GRIP1: variants seen among roughly 807,000 people sequenced by gnomAD.
GRIP1 encodes the protein glutamate receptor-interacting protein 1.
A neutral mutation model predicts 129.9 loss-of-function variants in GRIP1; 45 were observed. That is an observed-to-expected ratio of 0.35 (90% CI 0.27 to 0.44). The LOEUF (loss-of-function observed/expected upper bound fraction) is 0.44. Among genes scored for constraint, GRIP1 ranks in the 20% least tolerant of loss-of-function variants. The pLI is 1.00. For synonymous variants in GRIP1, 530 were observed against 520.8 expected (o/e 1.02, Z -0.24); for missense variants, 1,196 against 1,396.8 (o/e 0.86, Z 2.29).
intron 1 of GRIP1, among the ~76,000 whole-genome samples, chr12:66,698,581 T>C (rs1051830328): frequency 2.0e-5 from 3 of 152,200 alleles, no homozygotes; most frequent in Non-Finnish European, 4.4e-5. Flanking sequence ...GCTAGAAATC[T>C]CGGCAGAGTT....
At chr12:66,377,328 A>ATTTTTTTTT (rs35635542) in intron 20 of GRIP1, 43 bp from the exon 21 acceptor site, 1 of 1,028,486 alleles carries the variant, frequency 9.7e-7, no homozygotes, top group Non-Finnish European at 1.5e-6. Context: ...CTTGCCAGAC[A>ATTTTTTTTT]TTTTTTTTTT....
chr12:66,605,368 T>C (rs1319137710), intron 1 of GRIP1, among the ~76,000 whole-genome samples: 1 of 152,184 alleles, frequency 6.6e-6, no homozygotes, highest in Non-Finnish European at 1.5e-5. Context: ...TCAAGAGTCC[T>C]TCTTTTACAT....
intron 1 of GRIP1, among the ~76,000 whole-genome samples, chr12:66,898,469 A>G (rs1361570787): frequency 6.6e-6 from 1 of 151,946 alleles, no homozygotes; most frequent in Non-Finnish European, 1.5e-5. Context: ...AATGCATCCA[A>G]CTCCTTTAAC....
chr12:66,428,481 A>G (rs2058052686), intron 14 of GRIP1, among the ~76,000 whole-genome samples: 1 of 152,168 alleles, frequency 6.6e-6, no homozygotes, highest in Non-Finnish European at 1.5e-5. Context: ...AAAAGGAAAG[A>G]CAGTGAATTC....
At chr12:66,613,628 T>C (rs2064910491) in intron 1 of GRIP1, among the ~76,000 whole-genome samples, 1 of 152,174 alleles carries the variant, frequency 6.6e-6, no homozygotes, top group Non-Finnish European at 1.5e-5. Flanking sequence ...CTTTCCGATT[T>C]CTGTCTTTAA....
At chr12:66,974,928 T>C (rs2042130046) in intron 1 of GRIP1, among the ~76,000 whole-genome samples, 1 of 152,248 alleles carries the variant, frequency 6.6e-6, no homozygotes, top group South Asian at 2.1e-4. Flanking sequence ...GGATCTGTTA[T>C]GACTGCTGTT....
intron 1 of GRIP1, among the ~76,000 whole-genome samples, chr12:67,036,324 G>A (rs897796256): frequency 3.4e-5 from 5 of 148,580 alleles, no homozygotes; most frequent in African/African-American, 1.2e-4. Flanking sequence ...TAATAATACA[G>A]AATAAGGATG....
At chr12:66,916,915 A>C (rs1169179596) in intron 1 of GRIP1, among the ~76,000 whole-genome samples, 1 of 152,220 alleles carries the variant, frequency 6.6e-6, no homozygotes, top group East Asian at 1.9e-4. Context: ...AACTGTGTTC[A>C]ATATAAGATA....
At chr12:66,845,231 TGG>T (rs2039792345) in intron 1 of GRIP1, among the ~76,000 whole-genome samples, 1 of 152,050 alleles carries the variant, frequency 6.6e-6, no homozygotes, top group African/African-American at 2.4e-5. Context: ...TCAAGGCGGG[TGG>T]ACCACTTGAG....
chr12:66,514,433 G>T (rs2060786815), intron 7 of GRIP1, among the ~76,000 whole-genome samples: 2 of 152,014 alleles, frequency 1.3e-5, no homozygotes, highest in Admixed American at 6.6e-5. Context: ...CAAATCATGT[G>T]CTCCAAATTA....
intron 1 of GRIP1, among the ~76,000 whole-genome samples, chr12:66,617,751 C>A (rs1340988794): frequency 6.7e-6 from 1 of 148,616 alleles, no homozygotes; most frequent in African/African-American, 2.5e-5. Context: ...AAAAGAAATA[C>A]TACTGGCTCA....
intron 1 of GRIP1, among the ~76,000 whole-genome samples, chr12:66,855,192 G>C (rs948497201): frequency 2.0e-5 from 3 of 151,868 alleles, no homozygotes; most frequent in Non-Finnish European, 2.9e-5. Context: ...GTACACATGA[G>C]GCACATTATA....
At chr12:67,000,215 C>T (rs1229696664) in intron 1 of GRIP1, among the ~76,000 whole-genome samples, 1 of 152,112 alleles carries the variant, frequency 6.6e-6, no homozygotes, top group Non-Finnish European at 1.5e-5. Flanking sequence ...TAGGTAAGTA[C>T]TACAGGGCAA....
At chr12:66,879,301 A>G (rs897450642) in intron 1 of GRIP1, among the ~76,000 whole-genome samples, 3 of 152,120 alleles carry the variant, frequency 2.0e-5, no homozygotes, top group Non-Finnish European at 4.4e-5. Flanking sequence ...AACAGTTTAA[A>G]TAGTTTACAT....
intron 1 of GRIP1, among the ~76,000 whole-genome samples, chr12:67,019,207 C>A (rs949418871): frequency 1.3e-5 from 2 of 152,128 alleles, no homozygotes; most frequent in Admixed American, 6.5e-5. Context: ...ACAGCTGGCA[C>A]AATACACACG....
rs189355076 is a variant in GRIP1 at position 66,396,218 on chromosome 12, C to G, written c.1985-1866G>C. Among the ~76,000 whole-genome samples the G allele has an allele frequency of 9.2e-5, 14 of 152,332 alleles. 1 individual carries two copies. The East Asian group carries it at 2.7e-3, about 29-fold the overall frequency. On this transcript the variant is annotated intron_variant, in intron 16 of 24. Coordinates refer to ENST00000359742, the MANE Select transcript of GRIP1 (RefSeq NM_001366722.1). ...ACCCCTTATTGCTCTCTGCATAAGG[C>G]AAGCATGAGCACAAACTTGTCAATG...
chr12:66,833,884 T>C (rs1474332733), intron 1 of GRIP1, among the ~76,000 whole-genome samples: 1 of 152,156 alleles, frequency 6.6e-6, no homozygotes, highest in Non-Finnish European at 1.5e-5. Context: ...AAAAGGATTA[T>C]GTTGGCCAGG....
At chr12:66,364,442 T>A (rs559086092) in intron 23 of GRIP1, among the ~76,000 whole-genome samples, 1 of 152,188 alleles carries the variant, frequency 6.6e-6, no homozygotes, top group South Asian at 2.1e-4. Flanking sequence ...CGTTCCTACA[T>A]AGGTAGCTGT....
At chr12:66,426,752 G>C (rs961486375) in intron 14 of GRIP1, among the ~76,000 whole-genome samples, 3 of 152,160 alleles carry the variant, frequency 2.0e-5, no homozygotes, top group African/African-American at 7.2e-5. Flanking sequence ...TTGAGGCCAG[G>C]CTGTTTATTT....
Sources: gnomAD v4.1 joint callset for allele counts (sites outside exome capture counted in the v4.1 genomes callset) on GRCh38, gnomAD v4.1.1 for gene constraint, MANE v1.5 for transcripts, NCBI Gene and HGNC (gene_info 2026-07-23, HGNC 2026-07-21) for gene names.